PSD3: variants seen among roughly 807,000 people sequenced by gnomAD.
The protein encoded by PSD3 is pleckstrin and Sec7 domain containing 3, also known as PH and SEC7 domain-containing protein 3.
Under a neutral mutation model 105.5 loss-of-function variants are expected in PSD3, and 49 were observed. The observed-to-expected ratio is 0.46, with a 90% CI of 0.37 to 0.59. PSD3 has a LOEUF of 0.59. Among genes scored for constraint, PSD3 ranks in the 20% least tolerant of loss-of-function variants. PSD3 has a pLI of 0.00. For missense variants in PSD3, 1,561 were observed against 1,263.8 expected (o/e 1.24, Z -3.57); for synonymous variants, 557 against 457.8 (o/e 1.22, Z -2.77).
chr8:18,562,754 T>G (rs535268722), intron 14 of PSD3, among the ~76,000 whole-genome samples: 2 of 152,208 alleles, frequency 1.3e-5, no homozygotes, highest in Non-Finnish European at 2.9e-5. Flanking sequence ...CCGGGTGTGG[T>G]GGCATGCGCC....
intron 1 of PSD3, among the ~76,000 whole-genome samples, chr8:19,012,476 T>C (rs1421878892): frequency 2.0e-5 from 3 of 152,052 alleles, no homozygotes; most frequent in African/African-American, 7.2e-5. Context: ...GGACATCCTT[T>C]CCCTCACATC....
At chr8:18,686,078 G>C (rs1800647697) in intron 9 of PSD3, among the ~76,000 whole-genome samples, 1 of 152,132 alleles carries the variant, frequency 6.6e-6, no homozygotes, top group African/African-American at 2.4e-5. Flanking sequence ...CATATGGTAG[G>C]ATGTACAGAA....
intron 9 of PSD3, among the ~76,000 whole-genome samples, chr8:18,725,080 A>G (rs1466372799): frequency 6.6e-6 from 1 of 152,230 alleles, no homozygotes; most frequent in African/African-American, 2.4e-5. Flanking sequence ...AACTTCCATT[A>G]AAGTTTTCAG....
intron 9 of PSD3, among the ~76,000 whole-genome samples, chr8:18,694,332 C>T (rs188176927): frequency 2.0e-5 from 3 of 152,326 alleles, no homozygotes; most frequent in Admixed American, 2.0e-4. Context: ...AAGTTCCAGC[C>T]AGGCGCGGTG....
chr8:18,560,278 G>C (rs866128798), intron 14 of PSD3, among the ~76,000 whole-genome samples: 1 of 151,904 alleles, frequency 6.6e-6, no homozygotes, highest in Non-Finnish European at 1.5e-5. Flanking sequence ...AGAGGCTGCA[G>C]CCATGGAGAT....
intron 2 of PSD3, among the ~76,000 whole-genome samples, chr8:18,874,960 G>A (rs1311391888): frequency 6.6e-6 from 1 of 152,032 alleles, no homozygotes; most frequent in Admixed American, 6.6e-5. Context: ...CTATCATCCA[G>A]ACTGGAGTGT....
In PSD3 at chr8:18,748,050, T is replaced by G. The variant is rs542099562; in HGVS notation, c.2172+17399A>C. Among the ~76,000 whole-genome samples, 7 of 152,286 alleles carry G rather than the reference T, an allele frequency of 4.6e-5. No homozygotes were observed. In the South Asian group the frequency reaches 1.0e-3, roughly 23 times the overall value. ...GGCAAGTGAAATTGCTGATCTCTCA[T>G]AAAACACCCCTTGGCTTTCTGCCAC... is the stretch of plus-strand genomic sequence containing the variant. On this transcript the variant is annotated intron_variant, in intron 9 of 15. Coordinates refer to ENST00000327040, the MANE Select transcript of PSD3 (RefSeq NM_015310.4).
At chr8:18,581,424 T>C (rs1202675839) in intron 12 of PSD3, among the ~76,000 whole-genome samples, 1 of 152,178 alleles carries the variant, frequency 6.6e-6, no homozygotes, top group East Asian at 1.9e-4. Flanking sequence ...GAGTGTGCTC[T>C]TACTTAGCTA....
intron 3 of PSD3, among the ~76,000 whole-genome samples, chr8:18,870,672 A>C (rs1464937272): frequency 2.0e-5 from 3 of 147,100 alleles, no homozygotes; most frequent in African/African-American, 2.6e-5. Flanking sequence ...CAGAACCTAA[A>C]GTATAATTTA....
In PSD3 at chr8:18,793,979, TA is replaced by T. The variant is rs1160480000; in HGVS notation, c.2082+5315del. On this transcript the variant is annotated intron_variant, in intron 8 of 15. Transcript: ENST00000327040. Reference sequence around the variant, plus strand: ...GGAAAAGCAAGAGAGATCAGATTGTTACTGTGTCTGTGTAGAAAGAAGTAGA... The same window carrying T: ...GGAAAAGCAAGAGAGATCAGATTGTTCTGTGTCTGTGTAGAAAGAAGTAGA... 5.2e-4 allele frequency among the ~76,000 whole-genome samples: 35 copies of T among 67,446 alleles called. 11 individuals carry two copies. In the South Asian group the frequency reaches 9.4e-3, roughly 18 times the overall value. 44.2% of individuals were successfully genotyped at this position (67,446 alleles called of 152,430 possible).
At chr8:18,987,274 T>C (rs1182890297) in intron 1 of PSD3, among the ~76,000 whole-genome samples, 1 of 138,394 alleles carries the variant, frequency 7.2e-6, no homozygotes, top group Non-Finnish European at 1.6e-5. Context: ...ATTTATTTTC[T>C]TTTTTATTTT....
intron 9 of PSD3, among the ~76,000 whole-genome samples, chr8:18,664,190 AATG>A (rs1809551843): frequency 6.6e-6 from 1 of 152,248 alleles, no homozygotes. Context: ...AAAAGCTAGA[AATG>A]ATTAAGCTTA....
Position 18,576,234 on chromosome 8 carries a change from T to C in PSD3, c.2482-949A>G, listed in dbSNP as rs184240231. 1.8e-3 allele frequency among the ~76,000 whole-genome samples: 269 copies of C among 152,292 alleles called. 1 individual carries two copies. The highest frequency in any genetic ancestry group is 1.1e-3 in the Non-Finnish European group (75 of 68,000). On this transcript the variant is annotated intron_variant, in intron 12 of 15. Coordinates refer to ENST00000327040, the MANE Select transcript of PSD3 (RefSeq NM_015310.4). ...AAATTGAGTCAAAAATAATCCTTCA[T>C]GTGACAATGCTGTGAGGCAAAGGTT...
At chr8:18,659,549 G>A (rs923222767) in intron 9 of PSD3, among the ~76,000 whole-genome samples, 4 of 152,182 alleles carry the variant, frequency 2.6e-5, no homozygotes, top group African/African-American at 9.7e-5. Context: ...TAAGTACATT[G>A]TCTCCTCCTA....
chr8:18,786,200 T>C (rs964506187), intron 8 of PSD3, among the ~76,000 whole-genome samples: 2 of 152,184 alleles, frequency 1.3e-5, no homozygotes, highest in South Asian at 2.1e-4. Context: ...CGAGACTCCG[T>C]TTCAAACAAA....
intron 1 of PSD3, among the ~76,000 whole-genome samples, chr8:18,960,488 C>T (rs1823846717): frequency 6.6e-6 from 1 of 152,036 alleles, no homozygotes; most frequent in African/African-American, 2.4e-5. Flanking sequence ...AGCTGTCCAA[C>T]AAAAAACTGA....
intron 11 of PSD3, among the ~76,000 whole-genome samples, chr8:18,624,014 A>G (rs949236600): frequency 3.3e-5 from 5 of 152,198 alleles, no homozygotes; most frequent in African/African-American, 7.2e-5. Context: ...ATGGATATAC[A>G]AAATCCATTC....
At chr8:18,546,206 ATGCT>A (rs1209797931) in intron 15 of PSD3, among the ~76,000 whole-genome samples, 15 of 152,170 alleles carry the variant, frequency 9.9e-5, no homozygotes, top group Non-Finnish European at 2.1e-4. Flanking sequence ...CATGTTCGCC[ATGCT>A]GGTCTCGAAC....
At position 18,564,371 on chromosome 8, in the gene PSD3, G is replaced by C. The variant is rs560012693; in HGVS notation, c.2785-8019C>G. ...TGGCCAGGCACGGTGGCTCACGCCTGTAATCCCAACACTTTGGGAGGCCGA... is the reference window on the plus strand; with the variant it reads ...TGGCCAGGCACGGTGGCTCACGCCTCTAATCCCAACACTTTGGGAGGCCGA... On this transcript the variant is annotated intron_variant, in intron 14 of 15. Transcript: ENST00000327040. Among the ~76,000 whole-genome samples the C allele has an allele frequency of 6.6e-5, 10 of 152,254 alleles. 1 individual carries two copies. The South Asian group carries it at 1.4e-3, about 22-fold the overall frequency.
Sources: allele counts gnomAD v4.1 joint callset (sites outside exome capture counted in the v4.1 genomes callset), GRCh38; gene constraint gnomAD v4.1.1; transcripts MANE v1.5; gene names NCBI Gene and HGNC (gene_info 2026-07-23, HGNC 2026-07-21).